The following PKP4 variants were observed in gnomAD, a reference collection of about 807,000 sequenced individuals.
The protein encoded by PKP4 is plakophilin 4.
Under a neutral mutation model 145.1 loss-of-function variants are expected in PKP4, and 90 were observed. The ratio of observed to expected loss-of-function variants is 0.62; its 90% CI spans 0.52 to 0.74. PKP4 has a LOEUF of 0.74. Among genes scored for constraint, PKP4 ranks in the 30% least tolerant of loss-of-function variants. The pLI is 0.00. For missense variants in PKP4, 1,340 were observed against 1,482.7 expected (o/e 0.90, Z 1.58); for synonymous variants, 563 against 577.2 (o/e 0.98, Z 0.35).
In PKP4 at chr2:158,634,176, G is replaced by A. The variant is rs983575850; in HGVS notation, c.1449G>A (p.Arg483=). The change falls in exon 9 of 22, where the codon AGG becomes AGA. Residue 483 remains arginine (R), a synonymous_variant. Coordinates refer to ENST00000389759, the MANE Select transcript of PKP4 (RefSeq NM_003628.6). Reference sequence around the variant, plus strand: ...CAGCTACCTACGCGGAGCCCTACAGGCCTATACAATACCGAGTGCAAGAGT... The same window carrying A: ...CAGCTACCTACGCGGAGCCCTACAGACCTATACAATACCGAGTGCAAGAGT... ...NTTATYAEPY[R]PIQYRVQECN... The A allele has an allele frequency of 3.7e-6, 6 of 1,613,844 alleles. No individual in the cohort carries two copies. The African/African-American group carries it at 5.3e-5, about 14-fold the overall frequency.
chr2:158,544,647 G>A (rs1291666905), intron 2 of PKP4, among the ~76,000 whole-genome samples: 2 of 152,140 alleles, frequency 1.3e-5, no homozygotes, highest in East Asian at 3.9e-4. Context: ...AATATGGTAT[G>A]AATTGAACAT....
chr2:158,572,495 C>A (rs1420495330), intron 2 of PKP4, among the ~76,000 whole-genome samples: 1 of 152,196 alleles, frequency 6.6e-6, no homozygotes, highest in East Asian at 1.9e-4. Context: ...TCTGGCAAAT[C>A]TAGGTCATCT....
intron 1 of PKP4, among the ~76,000 whole-genome samples, chr2:158,530,582 C>G (rs190649994): frequency 3.2e-5 from 4 of 126,728 alleles, no homozygotes; most frequent in Non-Finnish European, 6.3e-5. Context: ...TAGCTTGATA[C>G]TTTCTAATTC....
chr2:158,647,742 G>A (rs2054965247), intron 11 of PKP4, among the ~76,000 whole-genome samples: 1 of 152,158 alleles, frequency 6.6e-6, no homozygotes, highest in Non-Finnish European at 1.5e-5. Flanking sequence ...ATATATGTGA[G>A]TGCTTAGGGT....
chr2:158,562,895 T>C (rs1477343244), intron 2 of PKP4, among the ~76,000 whole-genome samples: 2 of 152,198 alleles, frequency 1.3e-5, no homozygotes, highest in Non-Finnish European at 2.9e-5. Flanking sequence ...TAAGAATGAT[T>C]AGGTAGATAT....
rs369141008 is a variant in PKP4, at chr2:158,651,127, A to T, written c.1910-7004A>T. Among the ~76,000 whole-genome samples, 18 of 152,260 alleles carry T rather than the reference A, an allele frequency of 1.2e-4. No individual in the cohort carries two copies. In the East Asian group the frequency reaches 2.1e-3, roughly 18 times the overall value. On this transcript the variant is annotated intron_variant, in intron 11 of 21. Transcript: ENST00000389759. ...ATCCCTGTCTCGTAATTGTTTTCCCACTATTTCAGTTTCACTTAGATTTCG... is the reference window on the plus strand; with the variant it reads ...ATCCCTGTCTCGTAATTGTTTTCCCTCTATTTCAGTTTCACTTAGATTTCG...
At chr2:158,679,321 A>G (rs1310439558) in intron 21 of PKP4, 1 of 152,552 alleles carries the variant, frequency 6.6e-6, no homozygotes, top group Non-Finnish European at 1.5e-5. Flanking sequence ...GAGTTTCCTA[A>G]AACAAGACTG....
intron 2 of PKP4, among the ~76,000 whole-genome samples, chr2:158,543,846 A>G (rs4664971): frequency 1 from 151,820 of 152,254 alleles, 75,693 homozygotes; most frequent in Middle Eastern, 1. Context: ...TACCCAGAAA[A>G]GCAAGGTAGA....
At chr2:158,558,417 G>C (rs1167836246) in intron 2 of PKP4, among the ~76,000 whole-genome samples, 1 of 152,054 alleles carries the variant, frequency 6.6e-6, no homozygotes, top group Non-Finnish European at 1.5e-5. Flanking sequence ...GGCAGGGTGG[G>C]CAAAAAATAG....
chr2:158,608,808 CTTTTTTTT>C (rs66933766), intron 4 of PKP4, among the ~76,000 whole-genome samples: 2 of 86,182 alleles, frequency 2.3e-5, no homozygotes, highest in African/African-American at 1.0e-4. Flanking sequence ...TCTTTTCTTT[CTTTTTTTT>C]TTTTTTTTTT....
At chr2:158,487,906 C>T (rs11692643) in intron 1 of PKP4, among the ~76,000 whole-genome samples, 2,806 of 152,200 alleles carry the variant, frequency 0.018, 52 homozygotes, top group Non-Finnish European at 0.03. Context: ...TCTTGAAATA[C>T]ACCATGTAAA....
chr2:158,585,577 C>G (rs1192328405), intron 3 of PKP4, among the ~76,000 whole-genome samples: 1 of 152,120 alleles, frequency 6.6e-6, no homozygotes, highest in Non-Finnish European at 1.5e-5. Flanking sequence ...AATGAGAAAT[C>G]AACCTCTTCA....
chr2:158,642,443 T>C (rs775122679), intron 10 of PKP4, 43 bp from the exon 11 acceptor site: 4 of 1,401,276 alleles, frequency 2.9e-6, no homozygotes, highest in East Asian at 4.6e-5. Flanking sequence ...CACTGATTAA[T>C]TGCATGTTAC....
At chr2:158,564,640 C>T (rs2046826178) in intron 2 of PKP4, among the ~76,000 whole-genome samples, 1 of 152,134 alleles carries the variant, frequency 6.6e-6, no homozygotes, top group Non-Finnish European at 1.5e-5. Context: ...CCCCCCAGTT[C>T]CTCACCAGCC....
chr2:158,471,897 C>T (rs1464965104), intron 1 of PKP4, among the ~76,000 whole-genome samples: 2 of 152,062 alleles, frequency 1.3e-5, no homozygotes, highest in Non-Finnish European at 2.9e-5. Context: ...CTACTCATAG[C>T]CAAAATTTAA....
intron 2 of PKP4, among the ~76,000 whole-genome samples, chr2:158,550,573 C>T (rs1416408189): frequency 6.6e-6 from 1 of 152,172 alleles, no homozygotes. Context: ...TGTTTGGCTG[C>T]ACTCTCAGCA....
intron 9 of PKP4, among the ~76,000 whole-genome samples, chr2:158,637,463 G>T (rs568111454): frequency 7.6e-4 from 116 of 152,204 alleles, no homozygotes; most frequent in Admixed American, 2.0e-3. Flanking sequence ...AATCACCTCT[G>T]CTTAGCTCCC....
intron 7 of PKP4, 70 bp downstream of exon 7, chr2:158,625,497 A>C: frequency 7.8e-7 from 1 of 1,274,096 alleles, no homozygotes; most frequent in Non-Finnish European, 1.1e-6. Flanking sequence ...AGTTGAAACA[A>C]AGAATGAAAA....
intron 2 of PKP4, among the ~76,000 whole-genome samples, chr2:158,575,156 G>A (rs1024113968): frequency 2.6e-5 from 4 of 152,140 alleles, no homozygotes; most frequent in Non-Finnish European, 4.4e-5. Flanking sequence ...TATTGTTATA[G>A]CCACCAAACA....
Sources: gnomAD v4.1 joint callset for allele counts (sites outside exome capture counted in the v4.1 genomes callset) on GRCh38, gnomAD v4.1.1 for gene constraint, MANE v1.5 for transcripts, NCBI Gene and HGNC (gene_info 2026-07-23, HGNC 2026-07-21) for gene names.